Variants in DDX52 observed in about 807,000 individuals in gnomAD.
DDX52 encodes DExD-box helicase 52.
In DDX52, 59 loss-of-function variants were observed where a neutral mutation model predicts 76.1. The ratio of observed to expected loss-of-function variants is 0.78; its 90% CI spans 0.63 to 0.96. The LOEUF (loss-of-function observed/expected upper bound fraction) is 0.96, where lower values mean the gene tolerates loss of function less well. Ranked by LOEUF, DDX52 falls within the 40% of genes least tolerant of loss-of-function variation. DDX52 has a pLI of 0.00. For missense variants in DDX52, 707 were observed against 703.9 expected, an observed-to-expected ratio of 1.00 and a Z score of -0.05; for synonymous variants, 231 against 244.1, an observed-to-expected ratio of 0.95 and a Z score of 0.50.
chr17:37,617,733 G>A (rs1178730285), intron 14 of DDX52, among the ~76,000 whole-genome samples: 2 of 151,728 alleles, frequency 1.3e-5, no homozygotes, highest in Non-Finnish European at 2.9e-5. Flanking sequence ...AGAGAAGGTG[G>A]GCAGTATAAT....
At chr17:37,635,745 G>A (rs2030895554) in intron 2 of DDX52, 2 of 376,894 alleles carry the variant, frequency 5.3e-6, no homozygotes, top group African/African-American at 2.1e-5. Flanking sequence ...GGGTAATATG[G>A]TAAATATATG....
At chr17:37,631,122 T>G (rs924009987) in intron 4 of DDX52, 4 of 152,220 alleles carry the variant, frequency 2.6e-5, no homozygotes, top group African/African-American at 9.6e-5. Flanking sequence ...CTTATATCCT[T>G]TGGAAACCAG....
At position 37,628,626 on chromosome 17, in the gene DDX52, A is replaced by T; in HGVS notation, c.794T>A (p.Ile265Lys). ...CACTGCTGCTTTGTGGATCATGTGT[A>T]TTCTGAATCCTGTTCCCTCAGAAAT... ...IKISEGTGFR[I>K]HMIHKAAVAA... The change falls in exon 6 of 15, where the codon ATA becomes AAA. Residue 265 changes from isoleucine (I) to lysine (K), a missense_variant. By Grantham distance (102) the Ile-to-Lys change is moderately radical. Coordinates refer to ENST00000617633, the MANE Select transcript of DDX52 (RefSeq NM_007010.5). 6.2e-7 allele frequency: 1 copy of T among 1,609,904 alleles called. No homozygotes were observed. Among genetic ancestry groups the T allele is most frequent in the Non-Finnish European group, 8.5e-7 (1 of 1,178,914 alleles).
chr17:37,627,648 T>A (rs938353348), intron 6 of DDX52, among the ~76,000 whole-genome samples: 3 of 150,938 alleles, frequency 2.0e-5, no homozygotes, highest in East Asian at 3.9e-4. Flanking sequence ...AGGCCCAAGA[T>A]TTAAACAAAA....
chr17:37,623,350 A>G (rs191602366), intron 9 of DDX52, among the ~76,000 whole-genome samples: 113 of 152,060 alleles, frequency 7.4e-4, no homozygotes, highest in Admixed American at 1.2e-3. Context: ...GCGTGAACCC[A>G]GGAGGCAGAG....
intron 8 of DDX52, 23 bp downstream of exon 8, chr17:37,625,872 A>G: frequency 1.2e-6 from 2 of 1,613,242 alleles, no homozygotes; most frequent in Non-Finnish European, 1.7e-6. Context: ...TCAGTGTGAT[A>G]ATGTTGAGAA....
At chr17:37,621,322 G>A (rs1403940496) in intron 10 of DDX52, 45 bp from the exon 11 acceptor site, 1 of 1,593,668 alleles carries the variant, frequency 6.3e-7, no homozygotes, top group Non-Finnish European at 8.5e-7. Context: ...ATGAAAACAG[G>A]TACTTCATAA....
chr17:37,626,019 T>C lies in DDX52; in HGVS notation c.1012A>G (p.Ile338Val), dbSNP rs764509073. 1.9e-6 allele frequency: 3 copies of C among 1,614,030 alleles called. No individual in the cohort carries two copies. Among genetic ancestry groups the C allele is most frequent in the East Asian group, 2.2e-5 (1 of 44,866 alleles). Residue 338 changes from isoleucine (I) to valine (V), a missense_variant, in exon 8 of 15, where the codon ATT becomes GTT. Physicochemically the swap from Ile to Val is conservative, Grantham distance 29 (BLOSUM62 3). Coordinates refer to ENST00000617633, the MANE Select transcript of DDX52 (RefSeq NM_007010.5). ...KTGFRDQLASIFLACTSHKVR... is the reference protein window; with the variant it reads ...KTGFRDQLASVFLACTSHKVR... ...TTGTGGGATGTGCAGGCCAGGAAAA[T>C]GGAAGCCAGCTGGTCTCTGAACCCA...
Position 37,613,272 on chromosome 17 carries a change from T to C in DDX52, c.*1024A>G, listed in dbSNP as rs1486041538. ...TAATAGCTAATAGTCTCCAACACCA[T>C]ATGATCATAATCCTTTAGCTTAAGT... On this transcript the variant is annotated 3_prime_UTR_variant, in exon 15 of 15. Transcript: ENST00000617633. The C allele has an allele frequency of 6.6e-6, 1 of 152,196 alleles. No individual in the cohort carries two copies. Among genetic ancestry groups the C allele is most frequent in the Non-Finnish European group, 1.5e-5 (1 of 68,028 alleles). 9.4% of individuals were successfully genotyped at this position (152,196 alleles called of 1,614,324 possible). A position where few individuals can be genotyped will look rare whatever the true frequency, so the allele number is the denominator to read the frequency against.
At chr17:37,630,330 C>A (rs2030616358) in intron 4 of DDX52, among the ~76,000 whole-genome samples, 157 bp from the exon 5 acceptor site, 1 of 152,182 alleles carries the variant, frequency 6.6e-6, no homozygotes, top group East Asian at 1.9e-4. Flanking sequence ...ATCATCCATC[C>A]ATGCCACCAT....
At chr17:37,625,812 G>T in intron 8 of DDX52, 83 bp downstream of exon 8, 1 of 1,497,302 alleles carries the variant, frequency 6.7e-7, no homozygotes, top group South Asian at 1.2e-5. Flanking sequence ...CTCAGGCCAA[G>T]AAACCTATCT....
At chr17:37,635,821 G>GT (rs1374819036) in intron 2 of DDX52, among the ~76,000 whole-genome samples, 1 of 152,148 alleles carries the variant, frequency 6.6e-6, no homozygotes, top group African/African-American at 2.4e-5. Flanking sequence ...CATCAACACT[G>GT]TGAGAGCTTG....
intron 9 of DDX52, 61 bp from the exon 10 acceptor site, chr17:37,621,581 C>A: frequency 2.0e-6 from 3 of 1,536,772 alleles, no homozygotes; most frequent in Non-Finnish European, 2.6e-6. Flanking sequence ...GTCATTATTT[C>A]ATAATTTGAT....
chr17:37,626,694 A>G, intron 7 of DDX52, 94 bp downstream of exon 7: 1 of 1,280,394 alleles, frequency 7.8e-7, no homozygotes, highest in Non-Finnish European at 1.1e-6. Context: ...GGCAAACAGC[A>G]AGCTCCAAAG....
rs1406177639 is a variant in DDX52, at chr17:37,641,593, T to C, written c.286+517A>G. Among the ~76,000 whole-genome samples the C allele has an allele frequency of 5.4e-5, 8 of 146,804 alleles. No homozygotes were observed. In the East Asian group the frequency reaches 1.7e-3, roughly 31 times the overall value. On this transcript the variant is annotated intron_variant, in intron 2 of 14. Coordinates refer to ENST00000617633, the MANE Select transcript of DDX52 (RefSeq NM_007010.5). ...CTCTACTAAAAATACAAAAATTAGCTAGGCGTGGTGACACGCACCTGTAGT... is the reference window on the plus strand; with the variant it reads ...CTCTACTAAAAATACAAAAATTAGCCAGGCGTGGTGACACGCACCTGTAGT...
In DDX52 at chr17:37,609,880, G is replaced by A. The variant is rs889327944; in HGVS notation, c.*4416C>T. 1.3e-5 allele frequency: 2 copies of A among 152,416 alleles called. No homozygotes were observed. Among genetic ancestry groups the A allele is most frequent in the African/African-American group, 4.8e-5 (2 of 41,414 alleles). 9.4% of individuals were successfully genotyped at this position (152,416 alleles called of 1,614,324 possible). A position where few individuals can be genotyped will look rare whatever the true frequency, so the allele number is the denominator to read the frequency against. ...CTCTCCCCTCTTTCTCTGGAACTCGGTAGCTTCATGTTGGCACCTATCACA... is the reference window on the plus strand; with the variant it reads ...CTCTCCCCTCTTTCTCTGGAACTCGATAGCTTCATGTTGGCACCTATCACA... On this transcript the variant is annotated 3_prime_UTR_variant, in exon 15 of 15. Transcript: ENST00000617633.
intron 12 of DDX52, 97 bp from the exon 13 acceptor site, chr17:37,619,936 C>A (rs764790740): frequency 3.3e-5 from 38 of 1,158,034 alleles, no homozygotes; most frequent in Non-Finnish European, 4.5e-5. Context: ...ACTAAAACTA[C>A]ACAAAGTAAT....
rs773468322 is a variant in DDX52 at position 37,642,099 on chromosome 17, C to T, written c.286+11G>A. The T allele has an allele frequency of 1.9e-6, 3 of 1,610,138 alleles. No individual in the cohort carries two copies. Among genetic ancestry groups the T allele is most frequent in the East Asian group, 2.2e-5 (1 of 44,874 alleles). ...TAAAGAGAAAAAACATGACAGAAAT[C>T]AAACACTAACCTGAAGTCATCGTCT... On this transcript the variant is annotated intron_variant, in intron 2 of 14. Coordinates refer to ENST00000617633, the MANE Select transcript of DDX52 (RefSeq NM_007010.5).
intron 3 of DDX52, among the ~76,000 whole-genome samples, chr17:37,632,912 C>G (rs2030748627): frequency 6.6e-6 from 1 of 152,204 alleles, no homozygotes; most frequent in Non-Finnish European, 1.5e-5. Context: ...GAATTCTAAC[C>G]CTCTAATCTG....
Sources: gnomAD v4.1 joint callset for allele counts (sites outside exome capture counted in the v4.1 genomes callset) on GRCh38, gnomAD v4.1.1 for gene constraint, MANE v1.5 for transcripts, NCBI Gene and HGNC (gene_info 2026-07-23, HGNC 2026-07-21) for gene names.